CCSER2: variants seen among roughly 807,000 people sequenced by gnomAD.
CCSER2 encodes coiled-coil serine rich protein 2.
Under a neutral mutation model 92.3 loss-of-function variants are expected in CCSER2, and 46 were observed. That is an observed-to-expected ratio of 0.50 (90% confidence interval 0.39 to 0.64). The LOEUF (loss-of-function observed/expected upper bound fraction) is 0.64. CCSER2 is among the 30% of genes least tolerant of loss of function. The probability of loss-of-function intolerance (pLI) is 0.00; values close to 1 mark genes in which losing one functional copy is unlikely to be tolerated. For missense variants in CCSER2, 1,244 were observed against 1,238.9 expected (o/e 1.00, Z -0.06); for synonymous variants, 433 against 431.4 (o/e 1.00, Z -0.04).
intron 7 of CCSER2, among the ~76,000 whole-genome samples, chr10:84,465,242 TGTGTGTGTGTGTG>T (rs1846329078): frequency 1.7e-3 from 1 of 582 alleles, no homozygotes. Flanking sequence ...CCTGAATTTG[TGTGTGTGTGTGTG>T]TGTGTGTGTG....
chr10:84,416,857 G>A (rs1278822678), intron 3 of CCSER2, among the ~76,000 whole-genome samples: 1 of 152,172 alleles, frequency 6.6e-6, no homozygotes, highest in Middle Eastern at 3.2e-3. Context: ...CGTGAACCCA[G>A]GAGGCGGAGC....
chr10:84,349,117 G>C (rs894179881), intron 1 of CCSER2, among the ~76,000 whole-genome samples: 3 of 151,966 alleles, frequency 2.0e-5, no homozygotes, highest in African/African-American at 7.3e-5. Flanking sequence ...TTTTTAAAGA[G>C]CAAAGAATGA....
intron 3 of CCSER2, among the ~76,000 whole-genome samples, chr10:84,409,320 T>G (rs1842530837): frequency 6.6e-6 from 1 of 151,692 alleles, no homozygotes; most frequent in Non-Finnish European, 1.5e-5. Flanking sequence ...ATTTTTTTTT[T>G]GTAGAGATGG....
At chr10:84,409,113 C>A (rs1589579866) in intron 3 of CCSER2, among the ~76,000 whole-genome samples, 1 of 152,034 alleles carries the variant, frequency 6.6e-6, no homozygotes, top group East Asian at 1.9e-4. Flanking sequence ...GCCTCAGCCT[C>A]CTGAGTAGCT....
intron 9 of CCSER2, among the ~76,000 whole-genome samples, chr10:84,483,692 C>A (rs1847590772): frequency 6.6e-6 from 1 of 151,722 alleles, no homozygotes; most frequent in Admixed American, 6.6e-5. Flanking sequence ...TAATCTCCCC[C>A]AAATCCATTT....
intron 1 of CCSER2, among the ~76,000 whole-genome samples, chr10:84,364,319 G>C (rs976953527): frequency 1.3e-5 from 2 of 152,198 alleles, no homozygotes; most frequent in African/African-American, 4.8e-5. Context: ...GAATTTTTCA[G>C]CTCCACTGTA....
At position 84,382,360 on chromosome 10, in the gene CCSER2, A is replaced by G. The variant is rs1840961052; in HGVS notation, c.1614+8545A>G. Among the ~76,000 whole-genome samples the G allele has an allele frequency of 2.6e-5, 4 of 152,278 alleles. No homozygotes were observed. In the South Asian group the frequency reaches 8.3e-4, roughly 32 times the overall value. On this transcript the variant is annotated intron_variant, in intron 3 of 9. Coordinates refer to ENST00000372088, the MANE Select transcript of CCSER2 (RefSeq NM_001284240.2). ...TAGAGGAGTTGAGTAAATTGGCACTAATAGGTTAGGAAGTAGTTTACTACT... is the reference window on the plus strand; with the variant it reads ...TAGAGGAGTTGAGTAAATTGGCACTGATAGGTTAGGAAGTAGTTTACTACT...
intron 9 of CCSER2, among the ~76,000 whole-genome samples, chr10:84,494,180 A>G (rs1453335046): frequency 6.6e-6 from 1 of 152,168 alleles, no homozygotes; most frequent in East Asian, 1.9e-4. Flanking sequence ...ATGGATTGGT[A>G]CTGGTCCGTG....
At chr10:84,352,370 A>G (rs1844912914) in intron 1 of CCSER2, among the ~76,000 whole-genome samples, 1 of 152,076 alleles carries the variant, frequency 6.6e-6, no homozygotes, top group East Asian at 1.9e-4. Flanking sequence ...TCTTGAAGGT[A>G]GAGGAGCCAA....
chr10:84,463,249 A>C (rs1008641856), intron 6 of CCSER2, among the ~76,000 whole-genome samples: 2 of 152,176 alleles, frequency 1.3e-5, no homozygotes. Context: ...GTTAAGGTGT[A>C]CCAATCTTAA....
intron 1 of CCSER2, among the ~76,000 whole-genome samples, chr10:84,336,275 G>T (rs1843831480): frequency 1.3e-5 from 2 of 152,156 alleles, no homozygotes; most frequent in Non-Finnish European, 2.9e-5. Context: ...CCGAGCACTT[G>T]CTAGGAATAG....
chr10:84,400,322 C>T (rs1842052574), intron 3 of CCSER2, among the ~76,000 whole-genome samples: 1 of 152,000 alleles, frequency 6.6e-6, no homozygotes, highest in Non-Finnish European at 1.5e-5. Flanking sequence ...AAAGACTTAT[C>T]CTTATGTTTT....
At chr10:84,393,102 G>C (rs1403205087) in intron 3 of CCSER2, among the ~76,000 whole-genome samples, 1 of 151,894 alleles carries the variant, frequency 6.6e-6, no homozygotes, top group Non-Finnish European at 1.5e-5. Context: ...AAGATTTGTG[G>C]GTTTTATTTT....
At chr10:84,449,339 C>T (rs1845125909) in intron 6 of CCSER2, among the ~76,000 whole-genome samples, 1 of 152,138 alleles carries the variant, frequency 6.6e-6, no homozygotes, top group South Asian at 2.1e-4. Context: ...CATACCAGTG[C>T]ACTCCAGCCT....
intron 3 of CCSER2, among the ~76,000 whole-genome samples, chr10:84,388,085 G>A (rs1224875908): frequency 2.0e-5 from 3 of 151,994 alleles, no homozygotes; most frequent in South Asian, 2.1e-4. Context: ...GGCTGGTCTC[G>A]AACTCCTGAC....
intron 6 of CCSER2, among the ~76,000 whole-genome samples, chr10:84,440,898 T>A (rs1361754826): frequency 1.3e-5 from 2 of 152,232 alleles, no homozygotes; most frequent in South Asian, 2.1e-4. Context: ...CGTTGAACAG[T>A]CTACTACATT....
intron 1 of CCSER2, among the ~76,000 whole-genome samples, chr10:84,332,436 A>ATATATATATATAT (rs1401635246): frequency 5.4e-5 from 3 of 55,208 alleles, no homozygotes; most frequent in African/African-American, 3.4e-4. Flanking sequence ...ATATATATAT[A>ATATATATATATAT]TTTTTTTTTT....
intron 1 of CCSER2, among the ~76,000 whole-genome samples, chr10:84,329,287 CTT>C (rs1269008073): frequency 1.3e-5 from 2 of 152,238 alleles, no homozygotes; most frequent in Non-Finnish European, 1.5e-5. Context: ...GATCTTCTCT[CTT>C]GTCTTTAGAC....
chr10:84,426,805 A>G (rs765582136), intron 5 of CCSER2, among the ~76,000 whole-genome samples: 1 of 152,232 alleles, frequency 6.6e-6, no homozygotes, highest in Non-Finnish European at 1.5e-5. Context: ...AATTTGATTT[A>G]TTACAACATA....
Sources: gnomAD v4.1 joint callset for allele counts (sites outside exome capture counted in the v4.1 genomes callset) on GRCh38, gnomAD v4.1.1 for gene constraint, MANE v1.5 for transcripts, NCBI Gene and HGNC (gene_info 2026-07-23, HGNC 2026-07-21) for gene names.